The following LRRC28 variants were observed in gnomAD, a reference collection of about 807,000 sequenced individuals.
LRRC28 encodes leucine rich repeat containing 28, also known as leucine-rich repeat-containing protein 28.
LRRC28 carries 39 observed loss-of-function variants against 45.7 expected under a neutral mutation model. That is an observed-to-expected ratio of 0.85 (90% CI 0.66 to 1.12). The LOEUF (loss-of-function observed/expected upper bound fraction) is 1.12. LRRC28 is among the 50% of genes most tolerant of loss of function. The pLI is 0.00. For synonymous variants in LRRC28, 206 were observed against 178.8 expected, an observed-to-expected ratio of 1.15 and a Z score of -1.22; for missense variants, 435 against 438.5, an observed-to-expected ratio of 0.99 and a Z score of 0.07.
chr15:99,255,240 A>G (rs1482157679), intron 1 of LRRC28, among the ~76,000 whole-genome samples: 1 of 151,434 alleles, frequency 6.6e-6, no homozygotes, highest in Non-Finnish European at 1.5e-5. Context: ...TCTCTATAGT[A>G]CCAGCTACTT....
chr15:99,260,966 A>G (rs1002031153), intron 2 of LRRC28, among the ~76,000 whole-genome samples: 4 of 151,996 alleles, frequency 2.6e-5, no homozygotes, highest in African/African-American at 9.7e-5. Flanking sequence ...GTGTGTGTTA[A>G]ATGCCTTCTC....
intron 7 of LRRC28, among the ~76,000 whole-genome samples, chr15:99,358,240 CAAG>C (rs1251613484): frequency 3.9e-5 from 6 of 151,930 alleles, no homozygotes; most frequent in African/African-American, 1.5e-4. Context: ...ATAAATATCA[CAAG>C]AAAGGAACAG....
Position 99,386,066 on chromosome 15 carries a change from C to T in LRRC28, c.1068C>T (p.Ser356=), listed in dbSNP as rs1293493995. 4.3e-6 allele frequency: 7 copies of T among 1,614,052 alleles called. No individual in the cohort carries two copies. The highest frequency in any genetic ancestry group is 1.1e-5 in the South Asian group (1 of 91,090). The change falls in exon 10 of 10, where the codon TCC becomes TCT. Residue 356 remains serine, a synonymous_variant. Transcript: ENST00000301981. ...TTVSFVAYCC[S]TQCLQTFDLL... The stretch of plus-strand genomic sequence containing the variant: ...TTAGTTTTGTGGCTTACTGCTGCTC[C>T]ACCCAGTGTCTGCAGACTTTTGACC...
At chr15:99,327,438 G>A (rs1034218468) in intron 5 of LRRC28, among the ~76,000 whole-genome samples, 1 of 152,104 alleles carries the variant, frequency 6.6e-6, no homozygotes, top group East Asian at 1.9e-4. Flanking sequence ...TTGGTAATTT[G>A]TATCTTTTTA....
intron 1 of LRRC28, among the ~76,000 whole-genome samples, chr15:99,254,466 T>C (rs2080958044): frequency 6.6e-6 from 1 of 152,244 alleles, no homozygotes; most frequent in Admixed American, 6.5e-5. Context: ...AAAATCACTT[T>C]CCTTAAGAAA....
chr15:99,262,024 C>A (rs2081211850), intron 2 of LRRC28, among the ~76,000 whole-genome samples: 1 of 152,158 alleles, frequency 6.6e-6, no homozygotes. Context: ...TGGGGAAACA[C>A]AAGCTTCAGA....
rs1450615250 is a variant in LRRC28 at position 99,388,789 on chromosome 15, ATC to A, written c.*2691_*2692del. ...AAAAGTGAGCTACTTGGAAAGTATC[ATC>A]TCTGTTCAGGTAAGTTTACTTCAGT... On this transcript the variant is annotated 3_prime_UTR_variant, in exon 10 of 10. Coordinates refer to ENST00000301981, the MANE Select transcript of LRRC28 (RefSeq NM_144598.5). 1 of 152,232 alleles carries A rather than the reference ATC, an allele frequency of 6.6e-6. No individual in the cohort carries two copies. Among genetic ancestry groups the A allele is most frequent in the Non-Finnish European group, 1.5e-5 (1 of 68,034 alleles). The allele number at this position is 152,232 out of a possible 1,614,324, so 9.4% of individuals were successfully genotyped here. A position where few individuals can be genotyped will look rare whatever the true frequency, so the allele number is the denominator to read the frequency against.
chr15:99,322,810 C>G (rs1425684508), intron 5 of LRRC28, among the ~76,000 whole-genome samples: 2 of 152,080 alleles, frequency 1.3e-5, no homozygotes, highest in East Asian at 3.9e-4. Context: ...CAAGACAATC[C>G]CTGCCCTTTA....
Position 99,386,055 on chromosome 15 carries a change from T to C in LRRC28, c.1057T>C (p.Tyr353His). The change falls in exon 10 of 10, where the codon TAC (tyrosine) becomes CAC (histidine). Residue 353 changes from tyrosine to histidine, a missense_variant. Tyr to His is a moderately conservative substitution (Grantham distance 83, BLOSUM62 2). Coordinates refer to ENST00000301981, the MANE Select transcript of LRRC28 (RefSeq NM_144598.5). ...QWKTTVSFVA[Y>H]CCSTQCLQTF... is the part of the protein sequence containing the mutation. ...GAAGACAACTGTTAGTTTTGTGGCT[T>C]ACTGCTGCTCCACCCAGTGTCTGCA... 6.2e-7 allele frequency: 1 copy of C among 1,614,168 alleles called. No homozygotes were observed. The highest frequency in any genetic ancestry group is 1.1e-5 in the South Asian group (1 of 91,084).
Position 99,254,026 on chromosome 15 carries a change from C to T in LRRC28, c.-60-1872C>T, listed in dbSNP as rs567492020. Among the ~76,000 whole-genome samples, 103 of 152,354 alleles carry T rather than the reference C, an allele frequency of 6.8e-4. 1 individual carries two copies. The highest frequency in any genetic ancestry group is 3.5e-3 in the Admixed American group (54 of 15,302). ...GGATTGATGATGAAAATGGAAAGCT[C>T]TTTGAATGTGTTAAGTTTGAGATGG... On this transcript the variant is annotated intron_variant, in intron 1 of 9. Transcript: ENST00000301981.
intron 5 of LRRC28, chr15:99,333,700 A>G: frequency 1.7e-6 from 1 of 582,042 alleles, no homozygotes; most frequent in South Asian, 2.1e-5. Context: ...CATGCTACCC[A>G]GCCCTTTTCT....
At chr15:99,354,074 C>T (rs1187088163) in intron 7 of LRRC28, 1 of 152,094 alleles carries the variant, frequency 6.6e-6, no homozygotes, top group Admixed American at 6.5e-5. Context: ...AGGATAGTAT[C>T]AAACAACCAG....
chr15:99,283,300 C>T (rs1220090995), intron 3 of LRRC28, among the ~76,000 whole-genome samples: 2 of 151,404 alleles, frequency 1.3e-5, no homozygotes, highest in Non-Finnish European at 2.9e-5. Context: ...CCAGTTTGTC[C>T]TGTTGTTAAC....
intron 9 of LRRC28, among the ~76,000 whole-genome samples, chr15:99,368,844 G>A (rs1450524807): frequency 1.3e-5 from 2 of 152,084 alleles, no homozygotes; most frequent in South Asian, 2.1e-4. Flanking sequence ...TCAAGTTCTG[G>A]TTCCTTATGC....
intron 5 of LRRC28, among the ~76,000 whole-genome samples, chr15:99,308,651 C>T (rs937875646): frequency 6.6e-6 from 1 of 152,072 alleles, no homozygotes; most frequent in African/African-American, 2.4e-5. Flanking sequence ...TCAGCCTGGG[C>T]AATAGAGTGG....
Position 99,283,615 on chromosome 15 carries a change from CAA to C in LRRC28, c.210-3623_210-3622del, listed in dbSNP as rs59399248. ...TGGACGACAGAGGGAGACTCCTTCT[CAA>C]AAAAAAAAAAAAAAAAAAGGAATTC... is the stretch of plus-strand genomic sequence containing the variant. On this transcript the variant is annotated intron_variant, in intron 3 of 9. Coordinates refer to ENST00000301981, the MANE Select transcript of LRRC28 (RefSeq NM_144598.5). 1.9e-4 allele frequency among the ~76,000 whole-genome samples: 17 copies of C among 89,830 alleles called. No homozygotes were observed. In the South Asian group the frequency reaches 2.6e-3, roughly 14 times the overall value. 58.9% of individuals were successfully genotyped at this position (89,830 alleles called of 152,430 possible).
intron 5 of LRRC28, among the ~76,000 whole-genome samples, chr15:99,294,331 T>G (rs990785500): frequency 3.3e-5 from 5 of 152,084 alleles, no homozygotes; most frequent in African/African-American, 4.8e-5. Flanking sequence ...GTGAACTTTG[T>G]TCTTCTTCTT....
intron 5 of LRRC28, among the ~76,000 whole-genome samples, chr15:99,315,141 C>T (rs965701726): frequency 6.6e-6 from 1 of 152,032 alleles, no homozygotes; most frequent in African/African-American, 2.4e-5. Flanking sequence ...AGGAATCATG[C>T]AGTTCTTATA....
intron 7 of LRRC28, among the ~76,000 whole-genome samples, chr15:99,354,532 A>G (rs1435792780): frequency 6.6e-6 from 1 of 152,182 alleles, no homozygotes; most frequent in African/African-American, 2.4e-5. Flanking sequence ...GAAAGCCTAG[A>G]AAGTGCCCTT....
Sources: gnomAD v4.1 joint callset for allele counts (sites outside exome capture counted in the v4.1 genomes callset) on GRCh38, gnomAD v4.1.1 for gene constraint, MANE v1.5 for transcripts, NCBI Gene and HGNC (gene_info 2026-07-23, HGNC 2026-07-21) for gene names.